The following CACNA1E variants were observed in gnomAD, a reference collection of about 807,000 sequenced individuals.
The protein encoded by CACNA1E is calcium voltage-gated channel subunit alpha1 E.
Under a neutral mutation model 259.2 loss-of-function variants are expected in CACNA1E, and 40 were observed. The ratio of observed to expected loss-of-function variants is 0.15; its 90% confidence interval spans 0.12 to 0.20. The LOEUF (loss-of-function observed/expected upper bound fraction) is 0.20. CACNA1E is among the 10% of genes least tolerant of loss of function. The pLI is 1.00. For synonymous variants in CACNA1E, 1,104 were observed against 1,138.5 expected, an observed-to-expected ratio of 0.97 and a Z score of 0.61; for missense variants, 1,874 against 3,040.1, an observed-to-expected ratio of 0.62 and a Z score of 9.02.
In CACNA1E at chr1:181,690,583, T is replaced by C. The variant is rs143856050; in HGVS notation, c.1056-20371T>C. Among the ~76,000 whole-genome samples, 841 of 152,322 alleles carry C rather than the reference T, an allele frequency of 5.5e-3. 6 individuals are homozygous for C. Among genetic ancestry groups the C allele is most frequent in the Non-Finnish European group, 6.4e-3 (434 of 68,012 alleles). On this transcript the variant is annotated intron_variant, in intron 7 of 47. Transcript: ENST00000367573. ...ATTTTGGGCAGTATGGCCATTTTCA[T>C]GATACTGATTCTTCCCATCCAAGAG...
intron 6 of CACNA1E, among the ~76,000 whole-genome samples, chr1:181,633,567 C>A (rs984179053): frequency 6.6e-6 from 1 of 152,160 alleles, no homozygotes; most frequent in Admixed American, 6.5e-5. Flanking sequence ...TCTCAGCTCA[C>A]TGCAACCTCC....
At chr1:181,490,543 G>GTTTTT (rs34093740) in intron 1 of CACNA1E, among the ~76,000 whole-genome samples, 8 of 125,310 alleles carry the variant, frequency 6.4e-5, no homozygotes, top group African/African-American at 1.8e-4. Flanking sequence ...TGCCAAGCAT[G>GTTTTT]TTTTTTTTTT....
Position 181,785,623 on chromosome 1 carries a change from G to A in CACNA1E, c.5680-90G>A, listed in dbSNP as rs1030902607. Reference sequence around the variant, plus strand: ...TGGTCAAACAAGGGATAAGTTATGTGCCTGTATTATCCATGTTAATTTTAT... The same window carrying A: ...TGGTCAAACAAGGGATAAGTTATGTACCTGTATTATCCATGTTAATTTTAT... On this transcript the variant is annotated intron_variant, in intron 42 of 47. Transcript: ENST00000367573. 11 of 943,814 alleles carry A rather than the reference G, an allele frequency of 1.2e-5. No homozygotes were observed. The Admixed American group carries it at 1.8e-4, about 16-fold the overall frequency. The allele number at this position is 943,814 out of a possible 1,614,324, so 58.5% of individuals were successfully genotyped here. A position where few individuals can be genotyped will look rare whatever the true frequency, so the allele number is the denominator to read the frequency against.
Position 181,359,204 on chromosome 1 carries a change from T to G in CACNA1E, c.-15+41081T>G, listed in dbSNP as rs1052213041. On this transcript the variant is annotated intron_variant, in intron 1 of 11. Coordinates refer to the CACNA1E transcript ENST00000524607. ...TCATATTGATATAAGACACTGTCCTTTAGCTGGGGGAGGGGCATGGAGTTT... is the reference window on the plus strand; with the variant it reads ...TCATATTGATATAAGACACTGTCCTGTAGCTGGGGGAGGGGCATGGAGTTT... 7.2e-5 allele frequency among the ~76,000 whole-genome samples: 11 copies of G among 152,162 alleles called. 1 individual carries two copies. Among genetic ancestry groups the G allele is most frequent in the Admixed American group, 7.2e-4 (11 of 15,288 alleles).
chr1:181,761,307 T>C (rs1658558389), intron 32 of CACNA1E, among the ~76,000 whole-genome samples: 1 of 152,216 alleles, frequency 6.6e-6, no homozygotes. Context: ...TATTGGGTAT[T>C]TTCCCCCAAC....
Position 181,798,568 on chromosome 1 carries a change from C to T in CACNA1E, c.6676C>T (p.Arg2226Cys), listed in dbSNP as rs746785304. 3.0e-5 allele frequency: 49 copies of T among 1,613,542 alleles called. No homozygotes were observed. The highest frequency in any genetic ancestry group is 3.3e-5 in the Admixed American group (2 of 60,012). Reference protein sequence around the residue: ...PQQSQHASPQRYISEPYLALH... With the variant: ...PQQSQHASPQCYISEPYLALH... ...GCAGAGCCAACATGCCTCCCCACAG[C>T]GCTACATCTCCGAGCCCTACTTGGC... The change falls in exon 48 of 48, where the codon CGC becomes TGC. Residue 2226 changes from arginine (R) to cysteine (C), a missense_variant. Arg to Cys is a radical substitution (Grantham distance 180, BLOSUM62 -3). This residue lies in a region of CACNA1E where 542 missense variants were observed against 587.2 expected (regional missense o/e 0.92). Transcript: ENST00000367573. The surrounding 1 kb of genome is among the most constrained non-coding windows in gnomAD (Gnocchi z 4.2).
In CACNA1E at chr1:181,511,443, A is replaced by G. The variant is rs1666155712; in HGVS notation, c.445A>G (p.Ile149Val). Residue 149 changes from isoleucine to valine, a missense_variant, in exon 3 of 48, where the codon ATC becomes GTC. This residue lies in a region of CACNA1E where 55 missense variants were observed against 156.5 expected (regional missense o/e 0.35). Transcript: ENST00000367573. Reference sequence around the variant, plus strand: ...GATCAAAATTGTGGCCCTGGGGTTCATCTTCCATAAGGGCTCTTACCTCCG... The same window carrying G: ...GATCAAAATTGTGGCCCTGGGGTTCGTCTTCCATAAGGGCTCTTACCTCCG... ...AGIKIVALGF[I>V]FHKGSYLRNG... is the part of the protein sequence containing the mutation. 1 of 1,613,860 alleles carries G rather than the reference A, an allele frequency of 6.2e-7. No homozygotes were observed. Among genetic ancestry groups the G allele is most frequent in the Non-Finnish European group, 8.5e-7 (1 of 1,179,866 alleles).
At chr1:181,501,330 C>G (rs1290935664) in intron 1 of CACNA1E, among the ~76,000 whole-genome samples, 1 of 152,208 alleles carries the variant, frequency 6.6e-6, no homozygotes, top group Non-Finnish European at 1.5e-5. Flanking sequence ...ACTTCCCATC[C>G]TTTGGGAATC....
intron 7 of CACNA1E, among the ~76,000 whole-genome samples, chr1:181,655,814 C>G (rs920950010): frequency 7.2e-5 from 11 of 152,068 alleles, no homozygotes; most frequent in African/African-American, 2.7e-4. Flanking sequence ...TAATGTATTC[C>G]CCAATGTGTG....
intron 2 of CACNA1E, among the ~76,000 whole-genome samples, chr1:181,455,986 G>T (rs1661440348): frequency 6.6e-6 from 1 of 152,196 alleles, no homozygotes; most frequent in Non-Finnish European, 1.5e-5. Flanking sequence ...GGTTCGGATG[G>T]TTACCATTGA....
At chr1:181,701,672 G>A (rs1005844865) in intron 7 of CACNA1E, among the ~76,000 whole-genome samples, 17 of 152,094 alleles carry the variant, frequency 1.1e-4, no homozygotes, top group East Asian at 5.8e-4. Flanking sequence ...TCCAAACTGC[G>A]AAACAGAGAT....
intron 26 of CACNA1E, chr1:181,751,934 T>G (rs1342009439): frequency 1.5e-6 from 1 of 683,360 alleles, no homozygotes; most frequent in East Asian, 2.8e-5. Flanking sequence ...TGTTCATGCG[T>G]GCACACTGGG....
At chr1:181,748,455 C>T (rs976508783) in intron 25 of CACNA1E, among the ~76,000 whole-genome samples, 10 of 152,012 alleles carry the variant, frequency 6.6e-5, no homozygotes, top group Non-Finnish European at 1.0e-4. Flanking sequence ...TGGGCCCTCC[C>T]GCAGAAGACG....
intron 4 of CACNA1E, among the ~76,000 whole-genome samples, chr1:181,578,372 T>C (rs903394182): frequency 2.0e-5 from 3 of 152,082 alleles, no homozygotes; most frequent in Admixed American, 6.6e-5. Context: ...CTGGGCAACA[T>C]GGTGAAACCC....
intron 2 of CACNA1E, among the ~76,000 whole-genome samples, chr1:181,441,762 C>A (rs1026231385): frequency 2.6e-5 from 4 of 152,086 alleles, no homozygotes; most frequent in African/African-American, 9.7e-5. Flanking sequence ...GATTTGCGGG[C>A]AGCTGTAAGT....
intron 6 of CACNA1E, among the ~76,000 whole-genome samples, chr1:181,581,737 T>C (rs960611699): frequency 6.6e-6 from 1 of 152,124 alleles, no homozygotes; most frequent in Non-Finnish European, 1.5e-5. Context: ...GGTAAAGCAG[T>C]TTGGGCAGGT....
intron 8 of CACNA1E, among the ~76,000 whole-genome samples, chr1:181,711,989 A>G (rs1449498049): frequency 6.6e-6 from 1 of 152,182 alleles, no homozygotes; most frequent in African/African-American, 2.4e-5. Flanking sequence ...AAGCAGAGGG[A>G]CTAGTAGTGC....
chr1:181,750,510 GAAGTAAACGATAC>G, intron 26 of CACNA1E, 23 bp downstream of exon 26: 1 of 1,608,806 alleles, frequency 6.2e-7, no homozygotes, highest in Middle Eastern at 1.7e-4. Flanking sequence ...GATTATCTTT[GAAGTAAACGATAC>G]AAGGAATGAG....
chr1:181,806,970 C>T lies in CACNA1E; in HGVS notation c.*8136C>T, dbSNP rs1662670948. 1 of 152,054 alleles carries T rather than the reference C, an allele frequency of 6.6e-6. No individual in the cohort carries two copies. Among genetic ancestry groups the T allele is most frequent in the Admixed American group, 6.5e-5 (1 of 15,270 alleles). The allele number at this position is 152,054 out of a possible 1,614,324, so 9.4% of individuals were successfully genotyped here. On this transcript the variant is annotated 3_prime_UTR_variant, in exon 48 of 48. Coordinates refer to ENST00000367573, the MANE Select transcript of CACNA1E (RefSeq NM_001205293.3). ...AGGCTTTCAAAGTCCCAAGGACATC[C>T]TGGCTCTGAAAGGTTTTCTTTTGTT...
Sources: allele counts gnomAD v4.1 joint callset (sites outside exome capture counted in the v4.1 genomes callset), GRCh38; gene constraint gnomAD v4.1.1; regional missense constraint gnomAD v4.1.1; non-coding constraint Gnocchi (gnomAD v3.1); transcripts MANE v1.5; gene names NCBI Gene and HGNC (gene_info 2026-07-23, HGNC 2026-07-21).